The following RGS6 variants were observed in gnomAD, a reference collection of about 807,000 sequenced individuals.
RGS6 encodes regulator of G protein signaling 6, also known as regulator of G-protein signaling 6.
RGS6 carries 30 observed loss-of-function variants against 78.5 expected under a neutral mutation model. The ratio of observed to expected loss-of-function variants is 0.38; its 90% CI spans 0.29 to 0.52. The LOEUF (loss-of-function observed/expected upper bound fraction) is 0.52, where lower values mean the gene tolerates loss of function less well. RGS6 is among the 20% of genes least tolerant of loss of function. RGS6 has a pLI of 0.85. For synonymous variants in RGS6, 206 were observed against 206.0 expected, an observed-to-expected ratio of 1.00 and a Z score of 0.00; for missense variants, 495 against 609.7, an observed-to-expected ratio of 0.81 and a Z score of 1.98.
chr14:72,062,471 A>G (rs929080575), intron 2 of RGS6, among the ~76,000 whole-genome samples: 5 of 152,232 alleles, frequency 3.3e-5, no homozygotes, highest in Admixed American at 6.5e-5. Context: ...GCAAGAAAAC[A>G]AACAGACCAG....
intron 17 of RGS6, among the ~76,000 whole-genome samples, chr14:72,545,091 G>T (rs1341693658): frequency 2.0e-5 from 3 of 152,254 alleles, no homozygotes; most frequent in African/African-American, 7.2e-5. Context: ...AGAGGGCTTT[G>T]ACCTCAGTTG....
At chr14:72,198,049 G>C (rs1029665799) in intron 2 of RGS6, among the ~76,000 whole-genome samples, 1 of 152,042 alleles carries the variant, frequency 6.6e-6, no homozygotes, top group African/African-American at 2.4e-5. Context: ...ATAAGTACTT[G>C]TTGTGTTTGT....
Position 72,480,339 on chromosome 14 carries a change from G to A in RGS6, c.854+2010G>A, listed in dbSNP as rs148382374. 1.9e-3 allele frequency among the ~76,000 whole-genome samples: 293 copies of A among 152,344 alleles called. 2 individuals are homozygous for A. Among genetic ancestry groups the A allele is most frequent in the African/African-American group, 6.3e-3 (260 of 41,574 alleles). ...AGTCCAAGGAATGGAGGAAACCAAG[G>A]TGGAGGCGGGGAGCCCGGCCCATCC... On this transcript the variant is annotated intron_variant, in intron 12 of 17. Transcript: ENST00000553525.
At chr14:72,095,580 G>C (rs577452327) in intron 2 of RGS6, among the ~76,000 whole-genome samples, 19 of 152,292 alleles carry the variant, frequency 1.2e-4, no homozygotes, top group African/African-American at 4.6e-4. Flanking sequence ...GGCTGCACCT[G>C]TTTCAAAGAA....
chr14:71,936,557 G>A (rs2089420981), intron 1 of RGS6, among the ~76,000 whole-genome samples: 1 of 152,052 alleles, frequency 6.6e-6, no homozygotes, highest in South Asian at 2.1e-4. Context: ...CATATCTCCT[G>A]AGATCATACA....
intron 2 of RGS6, among the ~76,000 whole-genome samples, chr14:72,151,016 C>T (rs2096677755): frequency 6.6e-6 from 1 of 152,156 alleles, no homozygotes; most frequent in Non-Finnish European, 1.5e-5. Context: ...AATGGTGAGA[C>T]ACATATTAGC....
At position 71,976,724 on chromosome 14, in the gene RGS6, A is replaced by C. The variant is rs1227294373; in HGVS notation, c.84+11849A>C. 4.6e-5 allele frequency among the ~76,000 whole-genome samples: 7 copies of C among 152,178 alleles called. No homozygotes were observed. The South Asian group carries it at 1.5e-3, about 32-fold the overall frequency. On this transcript the variant is annotated intron_variant, in intron 2 of 17. Transcript: ENST00000553525. ...CTGAATAATGCCGCAATAAACATACATGTGCATGTGTCTTTATAGCAGCAT... is the reference window on the plus strand; with the variant it reads ...CTGAATAATGCCGCAATAAACATACCTGTGCATGTGTCTTTATAGCAGCAT...
At chr14:71,870,683 C>G in the RGS6 span, among the ~76,000 whole-genome samples, 2 of 152,200 alleles carry the variant, frequency 1.3e-5, no homozygotes, top group Non-Finnish European at 2.9e-5. Context: ...CTGTTTGATT[C>G]TGGTAGTCAC....
intron 17 of RGS6, among the ~76,000 whole-genome samples, chr14:72,551,095 C>T (rs1390814301): frequency 6.6e-6 from 1 of 152,164 alleles, no homozygotes. Context: ...ACACCTCGGC[C>T]TCCCAAAGTG....
intron 2 of RGS6, among the ~76,000 whole-genome samples, chr14:72,054,272 GTTTTGTT>G (rs1260562610): frequency 6.6e-6 from 1 of 152,022 alleles, no homozygotes; most frequent in African/African-American, 2.4e-5. Flanking sequence ...GTTTTGTTTT[GTTTTGTT>G]TTGTTTTTCC....
chr14:72,046,800 T>A (rs957445945), intron 2 of RGS6, among the ~76,000 whole-genome samples: 1 of 152,236 alleles, frequency 6.6e-6, no homozygotes, highest in Non-Finnish European at 1.5e-5. Context: ...CTAGGGCAAA[T>A]GTCATGTAGG....
chr14:72,338,881 G>A (rs2076496795), intron 2 of RGS6, among the ~76,000 whole-genome samples: 1 of 152,196 alleles, frequency 6.6e-6, no homozygotes, highest in Non-Finnish European at 1.5e-5. Context: ...AAAGGGAAAT[G>A]AACATTATTG....
chr14:72,382,383 A>C (rs1023381967), intron 3 of RGS6, among the ~76,000 whole-genome samples: 2 of 152,210 alleles, frequency 1.3e-5, no homozygotes, highest in Non-Finnish European at 2.9e-5. Flanking sequence ...AAATTAATTA[A>C]AACTACAGTG....
chr14:71,996,157 T>G (rs1566982482), intron 2 of RGS6, among the ~76,000 whole-genome samples: 1 of 21,368 alleles, frequency 4.7e-5, no homozygotes, highest in East Asian at 1.1e-3. Context: ...TAGAAGTGTG[T>G]TTTTTTTTTT....
intron 2 of RGS6, among the ~76,000 whole-genome samples, chr14:72,075,282 C>T (rs1029474424): frequency 4.6e-5 from 7 of 152,262 alleles, no homozygotes; most frequent in African/African-American, 1.7e-4. Context: ...AATTTAATTA[C>T]TTTGTTTCCA....
chr14:71,923,082 T>A, the RGS6 span, among the ~76,000 whole-genome samples: 3 of 152,196 alleles, frequency 2.0e-5, no homozygotes, highest in African/African-American at 7.2e-5. Flanking sequence ...GCCCCCAGCA[T>A]ATTTTTCCTT....
chr14:72,196,192 A>T (rs946096981), intron 2 of RGS6, among the ~76,000 whole-genome samples: 2 of 152,214 alleles, frequency 1.3e-5, no homozygotes, highest in African/African-American at 4.8e-5. Flanking sequence ...GTGGGAGGGT[A>T]CAATGAGAGG....
chr14:72,094,826 C>T (rs1224577712), intron 2 of RGS6, among the ~76,000 whole-genome samples: 1 of 152,150 alleles, frequency 6.6e-6, no homozygotes, highest in Admixed American at 6.5e-5. Flanking sequence ...TAAAGCAAAG[C>T]TGAGATCTTT....
chr14:72,457,855 T>A (rs2095671873), intron 4 of RGS6, among the ~76,000 whole-genome samples: 1 of 152,214 alleles, frequency 6.6e-6, no homozygotes, highest in Non-Finnish European at 1.5e-5. Context: ...GGCTGCATTC[T>A]TACTGCTGGG....
Sources: gnomAD v4.1 joint callset for allele counts (sites outside exome capture counted in the v4.1 genomes callset) on GRCh38, gnomAD v4.1.1 for gene constraint, MANE v1.5 for transcripts, NCBI Gene and HGNC (gene_info 2026-07-23, HGNC 2026-07-21) for gene names.